The following MAPK8IP3 variants were observed in gnomAD, a reference collection of about 807,000 sequenced individuals.
MAPK8IP3 encodes mitogen-activated protein kinase 8 interacting protein 3, also known as C-Jun-amino-terminal kinase-interacting protein 3.
Under a neutral mutation model 157.8 loss-of-function variants are expected in MAPK8IP3, and 49 were observed. The observed-to-expected ratio is 0.31, with a 90% CI of 0.25 to 0.39. MAPK8IP3 has a LOEUF of 0.39. Among genes scored for constraint, MAPK8IP3 ranks in the 10% least tolerant of loss-of-function variants. The probability of loss-of-function intolerance (pLI) is 1.00; values close to 1 mark genes in which losing one functional copy is unlikely to be tolerated. For missense variants in MAPK8IP3, 1,478 were observed against 1,889.4 expected, an observed-to-expected ratio of 0.78 and a Z score of 4.04; for synonymous variants, 897 against 777.7, an observed-to-expected ratio of 1.15 and a Z score of -2.55.
intron 8 of MAPK8IP3, among the ~76,000 whole-genome samples, chr16:1,754,050 G>A (rs1314303333): frequency 6.6e-6 from 1 of 151,874 alleles, no homozygotes; most frequent in Non-Finnish European, 1.5e-5. Flanking sequence ...GCAGGTACCT[G>A]TAATCCCAGC....
In MAPK8IP3 at chr16:1,741,065, C is replaced by G. The variant is rs1243469244; in HGVS notation, c.603-2267C>G. 6.6e-6 allele frequency among the ~76,000 whole-genome samples: 1 copy of G among 152,094 alleles called. No individual in the cohort carries two copies. Among genetic ancestry groups the G allele is most frequent in the African/African-American group, 2.4e-5 (1 of 41,414 alleles). On this transcript the variant is annotated intron_variant, in intron 4 of 31. Coordinates refer to ENST00000610761, the MANE Select transcript of MAPK8IP3 (RefSeq NM_001318852.2). This position sits in a 1 kb window ranked among gnomAD's most constrained non-coding sequence, Gnocchi z 6.9. ...GGGCTGGTGCTGACTCGGGGGGCGA[C>G]GGGCCAAGGAAGGGCCCCTCTCTGC...
chr16:1,744,137 C>T, intron 5 of MAPK8IP3: 1 of 985,710 alleles, frequency 1.0e-6, no homozygotes, highest in Non-Finnish European at 1.2e-6. Flanking sequence ...CTTCAGGGCC[C>T]CAGGTCGCTT....
In MAPK8IP3 at chr16:1,765,038, C is replaced by T. The variant is rs778401938; in HGVS notation, c.2306C>T (p.Ala769Val). ...GCCAAGGAGCTCCCTGAAATGGACG[C>T]CACCTCCAGCCGGGTGTGGATCCTG... is the stretch of plus-strand genomic sequence containing the variant. The part of the protein sequence containing the change: ...KKAKELPEMD[A>V]TSSRVWILTS... The change falls in exon 20 of 32, where the codon GCC becomes GTC. Residue 769 changes from alanine to valine, a missense_variant. Physicochemically the swap from Ala to Val is moderately conservative, Grantham distance 64. Coordinates refer to ENST00000610761, the MANE Select transcript of MAPK8IP3 (RefSeq NM_001318852.2). 1 of 1,610,150 alleles carries T rather than the reference C, an allele frequency of 6.2e-7. No individual in the cohort carries two copies. Among genetic ancestry groups the T allele is most frequent in the African/African-American group, 1.3e-5 (1 of 74,888 alleles).
chr16:1,762,571 G>C (rs1293912750), intron 14 of MAPK8IP3, 90 bp downstream of exon 14: 4 of 1,576,540 alleles, frequency 2.5e-6, no homozygotes, highest in Non-Finnish European at 3.5e-6. Context: ...CTGTCTTCTG[G>C]GGGGACTGAA....
At chr16:1,746,949 G>C (rs1246739321) in intron 5 of MAPK8IP3, 80 bp from the exon 6 acceptor site, 1 of 1,511,548 alleles carries the variant, frequency 6.6e-7, no homozygotes, top group Non-Finnish European at 8.9e-7. Context: ...TGGTGCGCGG[G>C]GCCTCAGGCA....
At chr16:1,758,112 T>G in intron 8 of MAPK8IP3, 36 bp from the exon 9 acceptor site, 1 of 1,612,386 alleles carries the variant, frequency 6.2e-7, no homozygotes, top group Non-Finnish European at 8.5e-7. Context: ...TGTCCCTTCC[T>G]TCCCCTGCCT....
At chr16:1,747,368 G>A in intron 6 of MAPK8IP3, 93 bp downstream of exon 6, 1 of 1,511,380 alleles carries the variant, frequency 6.6e-7, no homozygotes. Flanking sequence ...GGCGGGCAGT[G>A]CAGGCAGCAG....
In MAPK8IP3 at chr16:1,724,817, C is replaced by A; in HGVS notation, c.439+140C>A. The A allele has an allele frequency of 9.0e-7, 1 of 1,105,562 alleles. No individual in the cohort carries two copies. The highest frequency in any genetic ancestry group is 1.3e-6 in the Non-Finnish European group (1 of 794,122). The allele number at this position is 1,105,562 out of a possible 1,614,324, so 68.5% of individuals were successfully genotyped here. A position where few individuals can be genotyped will look rare whatever the true frequency, so the allele number is the denominator to read the frequency against. ...GGAGCCTCAGCCATGTATTCCAGCT[C>A]TTTGTACTGCTGCCTGTTTCTGTAA... is the stretch of plus-strand genomic sequence containing the variant. On this transcript the variant is annotated intron_variant, in intron 2 of 31. Coordinates refer to ENST00000610761, the MANE Select transcript of MAPK8IP3 (RefSeq NM_001318852.2). This position sits in a 1 kb window ranked among gnomAD's most constrained non-coding sequence, Gnocchi z 4.1.
In MAPK8IP3 at chr16:1,769,120, C is replaced by T. The variant is rs987385849; in HGVS notation, c.*296C>T. 3 of 444,988 alleles carry T rather than the reference C, an allele frequency of 6.7e-6. No homozygotes were observed. The highest frequency in any genetic ancestry group is 1.2e-5 in the Non-Finnish European group (3 of 241,940). 27.6% of individuals were successfully genotyped at this position (444,988 alleles called of 1,614,324 possible). On this transcript the variant is annotated 3_prime_UTR_variant, in exon 32 of 32. Coordinates refer to ENST00000610761, the MANE Select transcript of MAPK8IP3 (RefSeq NM_001318852.2). ...CAAGTCCAGGGCACCTTGGGCCCAGCGCAGGCAGAATCCGAGGTGGTCCTG... is the reference window on the plus strand; with the variant it reads ...CAAGTCCAGGGCACCTTGGGCCCAGTGCAGGCAGAATCCGAGGTGGTCCTG...
Position 1,743,372 on chromosome 16 carries a change from G to A in MAPK8IP3, c.643G>A (p.Ala215Thr). 6.3e-7 allele frequency: 1 copy of A among 1,575,846 alleles called. No homozygotes were observed. The highest frequency in any genetic ancestry group is 8.6e-7 in the Non-Finnish European group (1 of 1,164,798). The change falls in exon 5 of 32, where the codon GCT becomes ACT. Residue 215 changes from alanine (A) to threonine (T), a missense_variant. Coordinates refer to ENST00000610761, the MANE Select transcript of MAPK8IP3 (RefSeq NM_001318852.2). The surrounding 1 kb of genome is among the most constrained non-coding windows in gnomAD (Gnocchi z 5.6). ...RPTSLNVFPLADGTVRAQIGG... is the reference protein window; with the variant it reads ...RPTSLNVFPLTDGTVRAQIGG... ...CACCTCCCTGAACGTGTTCCCCCTG[G>A]CTGACGGCACGGTACGTGCACAGAT... is the stretch of plus-strand genomic sequence containing the variant.
At position 1,741,799 on chromosome 16, in the gene MAPK8IP3, C is replaced by T. The variant is rs565506975; in HGVS notation, c.603-1533C>T. ...GCAGCCAAGATGGCACAGCCCAGTCCCAGCCGGCCCTGGTTCCCTCGTGCT... is the reference window on the plus strand; with the variant it reads ...GCAGCCAAGATGGCACAGCCCAGTCTCAGCCGGCCCTGGTTCCCTCGTGCT... On this transcript the variant is annotated intron_variant, in intron 4 of 31. Transcript: ENST00000610761. The surrounding 1 kb of genome is among the most constrained non-coding windows in gnomAD (Gnocchi z 6.9). Among the ~76,000 whole-genome samples the T allele has an allele frequency of 3.9e-5, 6 of 152,226 alleles. No individual in the cohort carries two copies. The highest frequency in any genetic ancestry group is 2.0e-4 in the Admixed American group (3 of 15,300).
At chr16:1,766,867 C>G in intron 24 of MAPK8IP3, 37 bp from the exon 25 acceptor site, 2 of 1,610,596 alleles carry the variant, frequency 1.2e-6, no homozygotes, top group Non-Finnish European at 1.7e-6. Flanking sequence ...GCTGGCACAG[C>G]CTGGCCCAAA....
chr16:1,761,178 C>A, intron 12 of MAPK8IP3, 46 bp from the exon 13 acceptor site: 2 of 1,479,216 alleles, frequency 1.4e-6, no homozygotes, highest in South Asian at 1.1e-5. Context: ...GTTCCCGAGG[C>A]CCCTGGGAGG....
chr16:1,768,633 G>A lies in MAPK8IP3; in HGVS notation c.3892+7G>A, dbSNP rs146699789. 3.8e-3 allele frequency: 6,091 copies of A among 1,607,358 alleles called. 17 individuals carry two copies. The highest frequency in any genetic ancestry group is 0.011 in the Middle Eastern group (65 of 5,820). On this transcript the variant is annotated splice_region_variant and intron_variant, in intron 31 of 31. Transcript: ENST00000610761. ...TACATCGACTTCCGCATTGGTGAGC[G>A]GGGCCCAGGGACAGGGCTGAGGTTG...
chr16:1,741,349 G>A lies in MAPK8IP3; in HGVS notation c.603-1983G>A, dbSNP rs2040667557. Among the ~76,000 whole-genome samples, 3 of 152,182 alleles carry A rather than the reference G, an allele frequency of 2.0e-5. No homozygotes were observed. The highest frequency in any genetic ancestry group is 1.3e-4 in the Admixed American group (2 of 15,284). ...CCGGTGGGGAGGAGCAAAGGAAAGA[G>A]TGAAGGCAGCTCCTGATCCTGGGTG... On this transcript the variant is annotated intron_variant, in intron 4 of 31. Coordinates refer to ENST00000610761, the MANE Select transcript of MAPK8IP3 (RefSeq NM_001318852.2). The surrounding 1 kb of genome is among the most constrained non-coding windows in gnomAD (Gnocchi z 6.9).
intron 1 of MAPK8IP3, among the ~76,000 whole-genome samples, chr16:1,709,128 G>A (rs1163537562): frequency 6.6e-6 from 1 of 152,246 alleles, no homozygotes; most frequent in East Asian, 1.9e-4. Flanking sequence ...CAGCTTCTGA[G>A]CAGACAGAAT....
chr16:1,719,668 CAAAAAAA>C (rs58680997), intron 1 of MAPK8IP3, among the ~76,000 whole-genome samples: 3 of 51,126 alleles, frequency 5.9e-5, no homozygotes, highest in Non-Finnish European at 1.4e-4. Flanking sequence ...CCCATCTCTA[CAAAAAAA>C]AAAAAAAAAA....
intron 1 of MAPK8IP3, among the ~76,000 whole-genome samples, chr16:1,717,938 G>A (rs1467415910): frequency 6.6e-6 from 1 of 151,596 alleles, no homozygotes; most frequent in African/African-American, 2.4e-5. Context: ...TGCAAGCTCC[G>A]CCTCCCAGGT....
At position 1,742,776 on chromosome 16, in the gene MAPK8IP3, G is replaced by A. The variant is rs1465053917; in HGVS notation, c.603-556G>A. ...AGCGCTGACCGTGATGCCAAGTCCC[G>A]TGGCTGGCTCTGCTGTGGGGTGTCT... On this transcript the variant is annotated intron_variant, in intron 4 of 31. Transcript: ENST00000610761. The surrounding 1 kb of genome is among the most constrained non-coding windows in gnomAD (Gnocchi z 5.0). Among the ~76,000 whole-genome samples the A allele has an allele frequency of 3.9e-5, 6 of 152,284 alleles. No individual in the cohort carries two copies. The highest frequency in any genetic ancestry group is 2.1e-4 in the South Asian group (1 of 4,824).
Sources: gnomAD v4.1 joint callset for allele counts (sites outside exome capture counted in the v4.1 genomes callset) on GRCh38, gnomAD v4.1.1 for gene constraint, Gnocchi (gnomAD v3.1) non-coding constraint, MANE v1.5 for transcripts, NCBI Gene and HGNC (gene_info 2026-07-23, HGNC 2026-07-21) for gene names.